IDH2: variants seen among roughly 807,000 people sequenced by gnomAD.
The protein encoded by IDH2 is isocitrate dehydrogenase [NADP], mitochondrial.
In IDH2, 18 loss-of-function variants were observed where a neutral mutation model predicts 50.5. The observed-to-expected ratio is 0.36, with a 90% CI of 0.25 to 0.53. The LOEUF is 0.53. IDH2 is among the 20% of genes least tolerant of loss of function. The pLI is 0.92. For missense variants in IDH2, 518 were observed against 610.7 expected (o/e 0.85, Z 1.60); for synonymous variants, 280 against 239.8 (o/e 1.17, Z -1.55).
chr15:90,099,600 A>G (rs2151556390), intron 1 of IDH2, among the ~76,000 whole-genome samples: 1 of 152,200 alleles, frequency 6.6e-6, no homozygotes, highest in Admixed American at 6.5e-5. Flanking sequence ...GACCACAGAC[A>G]TGCACCATCG....
At chr15:90,088,221 C>G in intron 5 of IDH2, 138 bp downstream of exon 5, 3 of 1,133,434 alleles carry the variant, frequency 2.6e-6, no homozygotes, top group Non-Finnish European at 4.0e-6. Context: ...TGTCAGCCAC[C>G]ATGCCCAGCC....
rs9972549 is a variant in IDH2 at position 90,085,545 on chromosome 15, T to C, written c.968-158A>G. ...CTGGGAGGACAGGGACTGTTCCAGG[T>C]CTCTTCACCCTCCTGTGGGTCTCCA... On this transcript the variant is annotated intron_variant, in intron 7 of 10. Transcript: ENST00000330062. The surrounding 1 kb of genome is among the most constrained non-coding windows in gnomAD (Gnocchi z 5.5). 0.15 allele frequency among the ~76,000 whole-genome samples: 23,343 copies of C among 152,088 alleles called. 4,472 individuals carry two copies. Among genetic ancestry groups the C allele is most frequent in the African/African-American group, 0.45 (18,780 of 41,432 alleles).
At chr15:90,095,271 G>A in intron 1 of IDH2, among the ~76,000 whole-genome samples, 1 of 152,060 alleles carries the variant, frequency 6.6e-6, no homozygotes, top group Admixed American at 6.5e-5. Flanking sequence ...AACAAAAGGT[G>A]GCTGGCTGCT....
intron 1 of IDH2, among the ~76,000 whole-genome samples, chr15:90,093,504 C>T (rs775960128): frequency 6.6e-6 from 1 of 152,176 alleles, no homozygotes; most frequent in South Asian, 2.1e-4. Context: ...GTATTGAGTG[C>T]CTACTATGTG....
intron 1 of IDH2, among the ~76,000 whole-genome samples, chr15:90,099,366 CCT>C (rs1901270682): frequency 6.6e-6 from 1 of 152,168 alleles, no homozygotes; most frequent in Non-Finnish European, 1.5e-5. Flanking sequence ...TGGCCTGCTT[CCT>C]CCCCTCCTCA....
At position 90,084,708 on chromosome 15, in the gene IDH2, C is replaced by T. The variant is rs1900810068; in HGVS notation, c.1271+108G>A. ...TCTCAGGGCTGTGGACATGTCCTGC[C>T]CCAGGCCCCCTTGCAGCTAAGCTGA... On this transcript the variant is annotated intron_variant, in intron 10 of 10. Coordinates refer to ENST00000330062, the MANE Select transcript of IDH2 (RefSeq NM_002168.4). This position sits in a 1 kb window ranked among gnomAD's most constrained non-coding sequence, Gnocchi z 5.0. 3.2e-6 allele frequency: 3 copies of T among 923,570 alleles called. No homozygotes were observed. The highest frequency in any genetic ancestry group is 1.3e-5 in the South Asian group (1 of 77,038). 57.2% of individuals were successfully genotyped at this position (923,570 alleles called of 1,614,324 possible).
chr15:90,099,960 T>G (rs182513991), intron 1 of IDH2, among the ~76,000 whole-genome samples: 1 of 152,088 alleles, frequency 6.6e-6, no homozygotes, highest in Admixed American at 6.6e-5. Flanking sequence ...TAAATAAAGG[T>G]CAAGTTGAAG....
rs1420607886 is a variant in IDH2 at position 90,098,799 on chromosome 15, C to T, written c.115+3477G>A. On this transcript the variant is annotated intron_variant, in intron 1 of 10. Coordinates refer to ENST00000330062, the MANE Select transcript of IDH2 (RefSeq NM_002168.4). This position sits in a 1 kb window ranked among gnomAD's most constrained non-coding sequence, Gnocchi z 5.1. ...CCCCAACTGATCCGCCTGCTTCGGC[C>T]TCCCAAAGTCCTGGGAGCCACCGCA... Among the ~76,000 whole-genome samples the T allele has an allele frequency of 1.3e-5, 2 of 152,166 alleles. No homozygotes were observed. The highest frequency in any genetic ancestry group is 2.9e-5 in the Non-Finnish European group (2 of 68,028).
Position 90,102,317 on chromosome 15 carries a change from G to A in IDH2, c.74C>T (p.Ala25Val), listed in dbSNP as rs1371083762. The A allele has an allele frequency of 2.2e-6, 3 of 1,356,936 alleles. No homozygotes were observed. The highest frequency in any genetic ancestry group is 2.6e-5 in the Admixed American group (1 of 37,950). The allele number at this position is 1,356,936 out of a possible 1,614,324, so 84.1% of individuals were successfully genotyped here. ...SGSRPAWAPA[A>V]LTAPTSQEQP... ...CTCTTGCGAGGTGGGGGCTGTCAGG[G>A]CCGCCGGCGCCCAGGCCGGCCGCGA... Residue 25 changes from alanine to valine, a missense_variant, in exon 1 of 11, where the codon GCC (alanine) becomes GTC (valine). This residue lies in a region of IDH2 where 85 missense variants were observed against 66.9 expected (regional missense o/e 1.27). Coordinates refer to ENST00000330062, the MANE Select transcript of IDH2 (RefSeq NM_002168.4).
At chr15:90,091,070 G>T (rs28692845) in intron 2 of IDH2, among the ~76,000 whole-genome samples, 1 of 152,046 alleles carries the variant, frequency 6.6e-6, no homozygotes, top group South Asian at 2.1e-4. Context: ...CACAGTGTGG[G>T]GCCTTCACAA....
At chr15:90,087,760 T>C (rs1900903420) in intron 5 of IDH2, among the ~76,000 whole-genome samples, 185 bp from the exon 6 acceptor site, 1 of 151,454 alleles carries the variant, frequency 6.6e-6, no homozygotes, top group Admixed American at 6.6e-5. Context: ...CCTCTCAACT[T>C]TGCTTTGTAA....
At chr15:90,093,587 C>T (rs541302140) in intron 1 of IDH2, among the ~76,000 whole-genome samples, 45 of 151,076 alleles carry the variant, frequency 3.0e-4, no homozygotes, top group African/African-American at 1.0e-3. Flanking sequence ...GGTATCATTA[C>T]CTCCATTTTA....
rs1900811796 is a variant in IDH2 at position 90,084,770 on chromosome 15, C to T, written c.1271+46G>A. On this transcript the variant is annotated intron_variant, in intron 10 of 10. Transcript: ENST00000330062. The surrounding 1 kb of genome is among the most constrained non-coding windows in gnomAD (Gnocchi z 5.0). ...GACTTTAGGAGGGGTCCCCTGGCTT[C>T]CTCCCACATGGCCCCAGGGTCTGCC... 6.6e-7 allele frequency: 1 copy of T among 1,511,000 alleles called. No homozygotes were observed. 93.6% of individuals were successfully genotyped at this position (1,511,000 alleles called of 1,614,324 possible).
At chr15:90,095,403 T>C (rs1901156388) in intron 1 of IDH2, among the ~76,000 whole-genome samples, 2 of 151,906 alleles carry the variant, frequency 1.3e-5, no homozygotes, top group South Asian at 2.1e-4. Flanking sequence ...TGTTGAGCTG[T>C]TGCAGAGCTA....
chr15:90,090,747 T>G, intron 2 of IDH2, 103 bp from the exon 3 acceptor site: 1 of 1,253,236 alleles, frequency 8.0e-7, no homozygotes, highest in Non-Finnish European at 1.2e-6. Context: ...GGACAGTCAG[T>G]CAAAACAGGG....
intron 7 of IDH2, among the ~76,000 whole-genome samples, chr15:90,086,123 G>A (rs1445746223): frequency 1.3e-5 from 2 of 152,110 alleles, no homozygotes; most frequent in Non-Finnish European, 1.5e-5. Flanking sequence ...TATCCTAGAT[G>A]GGAATTGTTC....
Position 90,085,193 on chromosome 15 carries a change from C to A in IDH2, c.1080+82G>T. 1 of 1,532,316 alleles carries A rather than the reference C, an allele frequency of 6.5e-7. No individual in the cohort carries two copies. 94.9% of individuals were successfully genotyped at this position (1,532,316 alleles called of 1,614,324 possible). A position where few individuals can be genotyped will look rare whatever the true frequency, so the allele number is the denominator to read the frequency against. ...CCCGCCCCTGGGCTGGTGGGTCAGG[C>A]TCGTCCTTCCAGCCCTCAGCCCAGT... On this transcript the variant is annotated intron_variant, in intron 8 of 10. Coordinates refer to ENST00000330062, the MANE Select transcript of IDH2 (RefSeq NM_002168.4). The surrounding 1 kb of genome is among the most constrained non-coding windows in gnomAD (Gnocchi z 5.5).
chr15:90,090,648 G>GGGACA lies in IDH2; in HGVS notation c.208-9_208-5dup, dbSNP rs1417799318. 4 of 1,614,172 alleles carry GGGACA rather than the reference G, an allele frequency of 2.5e-6. No individual in the cohort carries two copies. ...TGTCCACGTGGGGCAGGATGAGCTG[G>GGGACA]GGACAGAGGGCCAGAGCAAGGCGTC... On this transcript the variant is annotated splice_polypyrimidine_tract_variant and splice_region_variant and intron_variant, in intron 2 of 10. Coordinates refer to ENST00000330062, the MANE Select transcript of IDH2 (RefSeq NM_002168.4).
At chr15:90,086,641 T>G (rs761127347) in intron 7 of IDH2, among the ~76,000 whole-genome samples, 2 of 152,150 alleles carry the variant, frequency 1.3e-5, no homozygotes, top group Non-Finnish European at 1.5e-5. Context: ...ACTCCTGACC[T>G]CATCACCTAT....
Sources: gnomAD v4.1 joint callset for allele counts (sites outside exome capture counted in the v4.1 genomes callset) on GRCh38, gnomAD v4.1.1 for gene constraint, gnomAD v4.1.1 regional missense constraint, Gnocchi (gnomAD v3.1) non-coding constraint, MANE v1.5 for transcripts, NCBI Gene and HGNC (gene_info 2026-07-23, HGNC 2026-07-21) for gene names.